TTN: variants seen among roughly 807,000 people sequenced by gnomAD.
The protein encoded by TTN is titin.
Under a neutral mutation model 3,223.0 loss-of-function variants are expected in TTN, and 1,525 were observed. That is an observed-to-expected ratio of 0.47 (90% confidence interval 0.45 to 0.49). The LOEUF (loss-of-function observed/expected upper bound fraction) is 0.49, where lower values mean the gene tolerates loss of function less well. Among genes scored for constraint, TTN ranks in the 20% least tolerant of loss-of-function variants. TTN has a pLI of 0.00. For missense variants in TTN, 40,786 were observed against 43,424.0 expected (o/e 0.94, Z 5.40); for synonymous variants, 14,094 against 15,161.0 (o/e 0.93, Z 5.17).
Position 178,572,824 on chromosome 2 carries a change from T to G in TTN, c.73308A>C (p.Lys24436Asn), listed in dbSNP as rs1708726182. 1.2e-6 allele frequency: 2 copies of G among 1,613,408 alleles called. No individual in the cohort carries two copies. Among genetic ancestry groups the G allele is most frequent in the Non-Finnish European group, 1.7e-6 (2 of 1,179,568 alleles). Residue 24436 changes from lysine to asparagine, a missense_variant, in exon 326 of 363, where the codon AAA (lysine) becomes AAC (asparagine). Coordinates refer to ENST00000589042, the MANE Select transcript of TTN (RefSeq NM_001267550.2). Reference protein sequence around the residue: ...PEIELDADLRKVVTIRACCTL... With the variant: ...PEIELDADLRNVVTIRACCTL... ...TGCAGCAGGCCCTTATAGTAACAAC[T>G]TTGCGCAGGTCAGCATCCAGTTCAA...
At chr2:178,694,714 A>C (rs368957055) in intron 116 of TTN, 38 bp from the exon 117 acceptor site, 31 of 1,521,506 alleles carry the variant, frequency 2.0e-5, no homozygotes, top group Non-Finnish European at 2.8e-5. Context: ...TATTTTGAAG[A>C]ATATTGCTTT....
chr2:178,641,416 A>T, intron 219 of TTN, 101 bp from the exon 220 acceptor site: 2 of 721,456 alleles, frequency 2.8e-6, no homozygotes, highest in African/African-American at 1.9e-5. Context: ...GGAAAATGAA[A>T]AAAAGCATGC....
Position 178,723,294 on chromosome 2 carries a change from T to A in TTN, c.21713A>T (p.Asp7238Val), listed in dbSNP as rs780646514. The A allele has an allele frequency of 5.0e-6, 8 of 1,612,648 alleles. No individual in the cohort carries two copies. The Admixed American group carries it at 1.3e-4, about 27-fold the overall frequency. Residue 7238 changes from aspartate (D) to valine (V), a missense_variant, in exon 75 of 363, where the codon GAT becomes GTT. Asp to Val is a radical substitution (Grantham distance 152). Transcript: ENST00000589042. Reference sequence around the variant, plus strand: ...GGACTTCCCTGGTTCTACAGAATGATCACTTAATCTCTTCAAAAATGCAGC... The same window carrying A: ...GGACTTCCCTGGTTCTACAGAATGAACACTTAATCTCTTCAAAAATGCAGC... ...EPAAFLKRLS[D>V]HSVEPGKSII...
At chr2:178,690,689 G>A (rs539091077) in intron 121 of TTN, among the ~76,000 whole-genome samples, 151 of 152,222 alleles carry the variant, frequency 9.9e-4, no homozygotes, top group African/African-American at 3.5e-3. Flanking sequence ...GGCAGCTTTT[G>A]TGAATCCCTG....
chr2:178,726,958 T>C lies in TTN; in HGVS notation c.20275+132A>G. On this transcript the variant is annotated intron_variant, in intron 69 of 362. Coordinates refer to ENST00000589042, the MANE Select transcript of TTN (RefSeq NM_001267550.2). ...GAAGGAAACCATCTAAAAAGGGAAA[T>C]AATACTAGCTCAGAAAAATATTCTA... is the stretch of plus-strand genomic sequence containing the variant. 3 of 955,674 alleles carry C rather than the reference T, an allele frequency of 3.1e-6. No homozygotes were observed. The South Asian group carries it at 1.3e-4, about 40-fold the overall frequency. The allele number at this position is 955,674 out of a possible 1,614,324, so 59.2% of individuals were successfully genotyped here.
At chr2:178,749,568 G>T (rs1282531421) in intron 47 of TTN, 1 of 1,612,364 alleles carries the variant, frequency 6.2e-7, no homozygotes, top group Admixed American at 1.7e-5. Flanking sequence ...GATTCTCCCT[G>T]GTCTTGCAGT....
intron 47 of TTN, chr2:178,748,536 A>C (rs775268081): frequency 6.2e-7 from 1 of 1,613,064 alleles, no homozygotes. Context: ...ATATGAGAAT[A>C]CATTTGTTTT....
At position 178,548,204 on chromosome 2, in the gene TTN, C is replaced by T. The variant is rs1184196122; in HGVS notation, c.93422G>A (p.Gly31141Glu). The part of the protein sequence containing the change: ...VLAWLKPDHD[G>E]GSRITGYLLE... The stretch of plus-strand genomic sequence containing the variant: ...CAGGTAGCCAGTGATCCGGCTGCCT[C>T]CATCGTGGTCAGGTTTAAGCCAAGC... The change falls in exon 339 of 363, where the codon GGA becomes GAA. Residue 31141 changes from glycine (G) to glutamate (E), a missense_variant. Transcript: ENST00000589042. The surrounding 1 kb of genome is among the most constrained non-coding windows in gnomAD (Gnocchi z 4.3). 6.2e-7 allele frequency: 1 copy of T among 1,613,852 alleles called. No individual in the cohort carries two copies. The highest frequency in any genetic ancestry group is 1.1e-5 in the South Asian group (1 of 91,084).
chr2:178,543,727 A>G, intron 346 of TTN, 65 bp from the exon 347 acceptor site: 4 of 1,517,850 alleles, frequency 2.6e-6, no homozygotes, highest in Non-Finnish European at 3.5e-6. Context: ...TCTTGGGGAA[A>G]TATAATCAAC....
chr2:178,533,762 G>T lies in TTN; in HGVS notation c.102853C>A (p.Pro34285Thr). 1 of 1,613,834 alleles carries T rather than the reference G, an allele frequency of 6.2e-7. No individual in the cohort carries two copies. The highest frequency in any genetic ancestry group is 1.1e-5 in the South Asian group (1 of 91,080). ...TTATACCATGTTACATGAGGCTCTGGGTGGACAGTTATAGTTACTCCAAAC... is the reference window on the plus strand; with the variant it reads ...TTATACCATGTTACATGAGGCTCTGTGTGGACAGTTATAGTTACTCCAAAC... ...VRFGVTITVH[P>T]EPHVTWYKSG... The change falls in exon 358 of 363, where the codon CCA becomes ACA. Residue 34285 changes from proline (P) to threonine (T), a missense_variant. Transcript: ENST00000589042.
rs876658098 is a variant in TTN, at chr2:178,534,221, A to G, written c.102394T>C (p.Ser34132Pro). 6.2e-7 allele frequency: 1 copy of G among 1,613,850 alleles called. No individual in the cohort carries two copies. The highest frequency in any genetic ancestry group is 1.3e-5 in the African/African-American group (1 of 74,920). Reference protein sequence around the residue: ...GVSVAKVKVASIEIGPVSGQI... With the variant: ...GVSVAKVKVAPIEIGPVSGQI... ...CCAGAAACTGGGCCAATTTCAATGGATGCCACTTTAACTTTAGCAACACTC... is the reference window on the plus strand; with the variant it reads ...CCAGAAACTGGGCCAATTTCAATGGGTGCCACTTTAACTTTAGCAACACTC... The change falls in exon 358 of 363, where the codon TCC becomes CCC. Residue 34132 changes from serine (S) to proline (P), a missense_variant. Physicochemically the swap from Ser to Pro is moderately conservative, Grantham distance 74. Coordinates refer to ENST00000589042, the MANE Select transcript of TTN (RefSeq NM_001267550.2).
chr2:178,695,494 G>C, intron 114 of TTN, 84 bp from the exon 115 acceptor site: 1 of 1,048,100 alleles, frequency 9.5e-7, no homozygotes, highest in Non-Finnish European at 1.5e-6. Flanking sequence ...GATAAGGTAA[G>C]GATAATATAT....
intron 6 of TTN, chr2:178,799,177 A>T: frequency 2.7e-6 from 1 of 375,870 alleles, no homozygotes; most frequent in Non-Finnish European, 5.1e-6. Context: ...GTGAGGACAA[A>T]CACTCCTGCC....
At chr2:178,647,262 A>AC (rs1163775450) in intron 214 of TTN, 118 bp from the exon 215 acceptor site, 8 of 1,261,372 alleles carry the variant, frequency 6.3e-6, no homozygotes, top group African/African-American at 1.5e-5. Context: ...TATTCAGATG[A>AC]CCCCCCAAAT....
chr2:178,568,230 C>T lies in TTN; in HGVS notation c.77902G>A (p.Glu25968Lys), dbSNP rs756933390. Residue 25968 changes from glutamate to lysine, a missense_variant, in exon 326 of 363, where the codon GAA becomes AAA. Coordinates refer to ENST00000589042, the MANE Select transcript of TTN (RefSeq NM_001267550.2). The part of the protein sequence containing the change: ...GTEYQFRIFA[E>K]NRYGQSFALE... ...GCAAAGCTTTGTCCATATCTGTTTT[C>T]GGCAAATATTCTAAATTGGTATTCT... is the stretch of plus-strand genomic sequence containing the variant. 1.8e-5 allele frequency: 29 copies of T among 1,613,472 alleles called. No homozygotes were observed. The highest frequency in any genetic ancestry group is 6.7e-5 in the East Asian group (3 of 44,834).
chr2:178,674,383 T>A lies in TTN; in HGVS notation c.34639A>T (p.Ile11547Phe). 2 of 1,590,676 alleles carry A rather than the reference T, an allele frequency of 1.3e-6. No homozygotes were observed. Among genetic ancestry groups the A allele is most frequent in the South Asian group, 2.3e-5 (2 of 86,992 alleles). The change falls in exon 151 of 363, where the codon ATT (isoleucine) becomes TTT (phenylalanine). Residue 11547 changes from isoleucine (I) to phenylalanine (F), a missense_variant. Coordinates refer to ENST00000589042, the MANE Select transcript of TTN (RefSeq NM_001267550.2). Reference protein sequence around the residue: ...EVTEEPEEEPISEEEIPEEPP... With the variant: ...EVTEEPEEEPFSEEEIPEEPP... Reference sequence around the variant, plus strand: ...TCTTCTGGGATTTCTTCTTCTGAAATAGGCTCTTCTTCAGGCTCCTCAGTC... The same window carrying A: ...TCTTCTGGGATTTCTTCTTCTGAAAAAGGCTCTTCTTCAGGCTCCTCAGTC...
At position 178,579,221 on chromosome 2, in the gene TTN, C is replaced by T. The variant is rs548223512; in HGVS notation, c.67809G>A (p.Ala22603=). 3.0e-4 allele frequency: 487 copies of T among 1,613,418 alleles called. 3 individuals carry two copies. The South Asian group carries it at 4.3e-3, about 14-fold the overall frequency. Residue 22603 remains alanine, a synonymous_variant, in exon 320 of 363, where the codon GCG becomes GCA. Transcript: ENST00000589042. ...TDTRVSVESS[A]VNTTLIVYDC... ...CGTACACTATAAGAGTTGTGTTAAC[C>T]GCAGATGACTCAACACTGACTCTAG...
chr2:178,689,434 G>T (rs1207200967), intron 123 of TTN, 61 bp from the exon 124 acceptor site: 21 of 1,604,700 alleles, frequency 1.3e-5, no homozygotes, highest in Non-Finnish European at 8.5e-7. Context: ...GAGCAACATA[G>T]AAGTGGCAAT....
At chr2:178,707,053 A>G in intron 100 of TTN, 99 bp from the exon 101 acceptor site, 1 of 999,192 alleles carries the variant, frequency 1.0e-6, no homozygotes, top group Non-Finnish European at 1.4e-6. Context: ...GCAGTTTGAT[A>G]AGTAAGTACT....
Sources: allele counts gnomAD v4.1 joint callset (sites outside exome capture counted in the v4.1 genomes callset), GRCh38; gene constraint gnomAD v4.1.1; non-coding constraint Gnocchi (gnomAD v3.1); transcripts MANE v1.5; gene names NCBI Gene and HGNC (gene_info 2026-07-23, HGNC 2026-07-21).